Variants in OR2V1 observed in about 807,000 individuals in gnomAD.
The protein encoded by OR2V1 is olfactory receptor 2V1.
OR2V1 carries 18 observed loss-of-function variants against 15.0 expected under a neutral mutation model. The ratio of observed to expected loss-of-function variants is 1.20; its 90% confidence interval spans 0.83 to 1.78. OR2V1 has a LOEUF of 1.78. OR2V1 is among the 40% of genes most tolerant of loss of function. The pLI is 0.00. For missense variants in OR2V1, 359 were observed against 392.9 expected (o/e 0.91, Z 0.73); for synonymous variants, 144 against 146.1 (o/e 0.99, Z 0.10).
rs1421075095 is a variant in OR2V1, at chr5:181,124,567, T to C, written c.738A>G (p.Leu246=). ...CCCCATAGAAGAGGGTGACAGCTGTTAGGTGGGAGGAGCAGGTGGCCAGGG... is the reference window on the plus strand; with the variant it reads ...CCCCATAGAAGAGGGTGACAGCTGTCAGGTGGGAGGAGCAGGTGGCCAGGG... ...KKALATCSSH[L]TAVTLFYGAA... The change falls in exon 4 of 4, where the codon CTA becomes CTG. Residue 246 remains leucine, a synonymous_variant. Transcript: ENST00000641551. 3 of 1,613,004 alleles carry C rather than the reference T, an allele frequency of 1.9e-6. No homozygotes were observed. Among genetic ancestry groups the C allele is most frequent in the East Asian group, 2.2e-5 (1 of 44,882 alleles).
At position 181,125,317 on chromosome 5, in the gene OR2V1, C is replaced by T. The variant is rs762268090; in HGVS notation, c.-13G>A. The T allele has an allele frequency of 1.2e-6, 2 of 1,604,446 alleles. No individual in the cohort carries two copies. Among genetic ancestry groups the T allele is most frequent in the Non-Finnish European group, 8.5e-7 (1 of 1,174,392 alleles). On this transcript the variant is annotated 5_prime_UTR_variant, in exon 4 of 4. Coordinates refer to ENST00000641551, the MANE Select transcript of OR2V1 (RefSeq NM_001258283.2). The stretch of plus-strand genomic sequence containing the variant: ...CCCATCTTCCCATGGCTTAGTTGTT[C>T]ACTGTCACCTGAGAACATAAGAGAA...
At position 181,123,533 on chromosome 5, in the gene OR2V1, A is replaced by T. The variant is rs190896654; in HGVS notation, c.*824T>A. The T allele has an allele frequency of 0.033, 5,117 of 153,464 alleles. 253 individuals carry two copies. Among genetic ancestry groups the T allele is most frequent in the African/African-American group, 0.11 (4,685 of 41,488 alleles). 9.5% of individuals were successfully genotyped at this position (153,464 alleles called of 1,614,324 possible). ...CAGTCTTTTGAGTTTCCGATGAGAC[A>T]TTCCAAAGGAGTCAATCAGAAGCTG... On this transcript the variant is annotated 3_prime_UTR_variant, in exon 4 of 4. Coordinates refer to ENST00000641551, the MANE Select transcript of OR2V1 (RefSeq NM_001258283.2).
intron 3 of OR2V1, among the ~76,000 whole-genome samples, chr5:181,126,107 T>G (rs1314516481): frequency 6.6e-6 from 1 of 152,176 alleles, no homozygotes; most frequent in Non-Finnish European, 1.5e-5. Context: ...ATTCCCTAGG[T>G]CCAAACCATC....
Position 181,124,837 on chromosome 5 carries a change from A to G in OR2V1, c.468T>C (p.Asp156=), listed in dbSNP as rs769729604. ...TGGCTGCCACCATCTGAATCACTCC[A>G]TCTATTATCCCAAAGGCCCAGGAGC... ...TGSSWAFGII[D]GVIQMVAAMG... The change falls in exon 4 of 4, where the codon GAT becomes GAC. Residue 156 remains aspartate, a synonymous_variant. Transcript: ENST00000641551. The G allele has an allele frequency of 6.3e-7, 1 of 1,598,728 alleles. No homozygotes were observed. Among genetic ancestry groups the G allele is most frequent in the Non-Finnish European group, 8.5e-7 (1 of 1,172,116 alleles).
At chr5:181,128,213 CA>C (rs1218046104) in intron 3 of OR2V1, among the ~76,000 whole-genome samples, 1 of 150,216 alleles carries the variant, frequency 6.7e-6, no homozygotes, top group Non-Finnish European at 1.5e-5. Flanking sequence ...CACACACACA[CA>C]CACACACGCC....
At position 181,125,003 on chromosome 5, in the gene OR2V1, T is replaced by A. The variant is rs1274525118; in HGVS notation, c.302A>T (p.Gln101Leu). The A allele has an allele frequency of 6.2e-7, 1 of 1,613,982 alleles. No individual in the cohort carries two copies. The highest frequency in any genetic ancestry group is 1.3e-5 in the African/African-American group (1 of 74,908). Residue 101 changes from glutamine (Q) to leucine (L), a missense_variant, in exon 4 of 4, where the codon CAA becomes CTA. By Grantham distance (113) the Gln-to-Leu change is moderately radical (BLOSUM62 -2). Coordinates refer to ENST00000641551, the MANE Select transcript of OR2V1 (RefSeq NM_001258283.2). ...KSISFVGCGI[Q>L]IGFFVSLVGS... ...CACAAGAGAGACAAAAAAGCCAATT[T>A]GTATGCCACAGCCCACAAAGGAGAT...
At chr5:181,127,906 ACTCCCCC>A (rs1347417109) in intron 3 of OR2V1, among the ~76,000 whole-genome samples, 1 of 145,998 alleles carries the variant, frequency 6.8e-6, no homozygotes, top group Non-Finnish European at 1.5e-5. Context: ...TGCACGTCCC[ACTCCCCC>A]CTCCCCCAGT....
Position 181,124,616 on chromosome 5 carries a change from C to T in OR2V1, c.689G>A (p.Arg230His), listed in dbSNP as rs780888526. ...ACILGAVLRI[R>H]SAQAWKKALA... Reference sequence around the variant, plus strand: ...GGCTTTTTTCCAGGCCTGAGCAGAGCGTATTCGGAGCACAGCCCCTAGGAT... The same window carrying T: ...GGCTTTTTTCCAGGCCTGAGCAGAGTGTATTCGGAGCACAGCCCCTAGGAT... Residue 230 changes from arginine to histidine, a missense_variant, in exon 4 of 4, where the codon CGC becomes CAC. Transcript: ENST00000641551. 3.7e-6 allele frequency: 6 copies of T among 1,613,450 alleles called. No homozygotes were observed. The East Asian group carries it at 6.7e-5, about 18-fold the overall frequency.
intron 3 of OR2V1, among the ~76,000 whole-genome samples, chr5:181,129,218 C>T (rs1236414482): frequency 1.3e-5 from 2 of 152,048 alleles, no homozygotes; most frequent in South Asian, 2.1e-4. Flanking sequence ...GGTGACAGAG[C>T]GAGCTTTGTC....
chr5:181,125,517 G>T (rs546464980), intron 3 of OR2V1, among the ~76,000 whole-genome samples, 192 bp from the exon 4 acceptor site: 1 of 152,298 alleles, frequency 6.6e-6, no homozygotes, highest in East Asian at 1.9e-4. Context: ...CCCAGAGAGT[G>T]GACATAGGAT....
At chr5:181,127,759 C>G (rs1338758222) in intron 3 of OR2V1, among the ~76,000 whole-genome samples, 1 of 151,952 alleles carries the variant, frequency 6.6e-6, no homozygotes, top group African/African-American at 2.4e-5. Flanking sequence ...CGACCAAGCA[C>G]CATCTCAGCC....
In OR2V1 at chr5:181,125,006, A is replaced by G. The variant is rs778052607; in HGVS notation, c.299T>C (p.Ile100Thr). Residue 100 changes from isoleucine to threonine, a missense_variant, in exon 4 of 4, where the codon ATA (isoleucine) becomes ACA (threonine). Physicochemically the swap from Ile to Thr is moderately conservative, Grantham distance 89 (BLOSUM62 -1). Transcript: ENST00000641551. ...AAGAGAGACAAAAAAGCCAATTTGT[A>G]TGCCACAGCCCACAAAGGAGATGGA... is the stretch of plus-strand genomic sequence containing the variant. ...RKSISFVGCG[I>T]QIGFFVSLVG... 2.5e-6 allele frequency: 4 copies of G among 1,614,056 alleles called. No homozygotes were observed. The highest frequency in any genetic ancestry group is 2.2e-5 in the South Asian group (2 of 91,092).
At position 181,125,035 on chromosome 5, in the gene OR2V1, C is replaced by G; in HGVS notation, c.270G>C (p.Arg90Ser). The G allele has an allele frequency of 3.1e-6, 5 of 1,614,202 alleles. No individual in the cohort carries two copies. Among genetic ancestry groups the G allele is most frequent in the Non-Finnish European group, 4.2e-6 (5 of 1,180,050 alleles). ...PKMAANFLSG[R>S]KSISFVGCGI... The stretch of plus-strand genomic sequence containing the variant: ...CACAGCCCACAAAGGAGATGGACTT[C>G]CTGCCAGACAGGAAGTTGGCTGCCA... The change falls in exon 4 of 4, where the codon AGG (arginine) becomes AGC (serine). Residue 90 changes from arginine to serine, a missense_variant. Physicochemically the swap from Arg to Ser is moderately radical, Grantham distance 110. Transcript: ENST00000641551.
intron 2 of OR2V1, among the ~76,000 whole-genome samples, chr5:181,129,850 G>A (rs1220408443): frequency 6.6e-6 from 1 of 152,132 alleles, no homozygotes; most frequent in Non-Finnish European, 1.5e-5. Flanking sequence ...TCCTGCTGTG[G>A]ACCATCCTCC....
Position 181,130,064 on chromosome 5 carries a change from G to A in OR2V1, c.-78+109C>T, listed in dbSNP as rs980361566. On this transcript the variant is annotated intron_variant, in intron 2 of 3. Transcript: ENST00000641551. ...TACACCCTGATGGAGGCAGACAGCA[G>A]GAGGAAGAGCAAGTGCTGATGAACA... 6 of 398,336 alleles carry A rather than the reference G, an allele frequency of 1.5e-5. No individual in the cohort carries two copies. The East Asian group carries it at 1.8e-4, about 12-fold the overall frequency. 24.7% of individuals were successfully genotyped at this position (398,336 alleles called of 1,614,324 possible).
chr5:181,130,239 G>C (rs1762944039), intron 1 of OR2V1, 24 bp from the exon 2 acceptor site: 1 of 398,824 alleles, frequency 2.5e-6, no homozygotes, highest in Admixed American at 4.4e-5. Flanking sequence ...CCTAGCGTCA[G>C]AGCCATGCAC....
chr5:181,128,621 C>T (rs537504334), intron 3 of OR2V1, among the ~76,000 whole-genome samples: 9 of 152,344 alleles, frequency 5.9e-5, no homozygotes, highest in South Asian at 2.1e-4. Flanking sequence ...CTCTCACCTC[C>T]GTGCAGAAGG....
In OR2V1 at chr5:181,124,503, C is replaced by T; in HGVS notation, c.802G>A (p.Ala268Thr). 6.2e-7 allele frequency: 1 copy of T among 1,613,766 alleles called. No individual in the cohort carries two copies. Among genetic ancestry groups the T allele is most frequent in the South Asian group, 1.1e-5 (1 of 91,040 alleles). The change falls in exon 4 of 4, where the codon GCC (alanine) becomes ACC (threonine). Residue 268 changes from alanine (A) to threonine (T), a missense_variant. Ala to Thr is a moderately conservative substitution (Grantham distance 58). Transcript: ENST00000641551. The stretch of plus-strand genomic sequence containing the variant: ...GAGGCCACCTTGTCATGGCTAGGGG[C>T]CCGGTAGCGCCTAGGCCTCAGGTAC... Reference protein sequence around the residue: ...FMYLRPRRYRAPSHDKVASIF... With the variant: ...FMYLRPRRYRTPSHDKVASIF...
chr5:181,126,499 CACAG>C (rs928464414), intron 3 of OR2V1, among the ~76,000 whole-genome samples: 7 of 151,166 alleles, frequency 4.6e-5, no homozygotes, highest in African/African-American at 7.4e-5. Context: ...TAGACACACA[CACAG>C]ACAGACATAT....
Sources: allele counts gnomAD v4.1 joint callset (sites outside exome capture counted in the v4.1 genomes callset), GRCh38; gene constraint gnomAD v4.1.1; transcripts MANE v1.5; gene names NCBI Gene and HGNC (gene_info 2026-07-23, HGNC 2026-07-21).